LARGE1: variants seen among roughly 807,000 people sequenced by gnomAD.
The protein encoded by LARGE1 is LARGE xylosyl- and glucuronyltransferase 1, also known as xylosyl- and glucuronyltransferase LARGE1.
A neutral mutation model predicts 87.6 loss-of-function variants in LARGE1; 43 were observed. That is an observed-to-expected ratio of 0.49 (90% CI 0.38 to 0.63). LARGE1 has a LOEUF of 0.63. Among genes scored for constraint, LARGE1 ranks in the 30% least tolerant of loss-of-function variants. The pLI is 0.00. For synonymous variants in LARGE1, 434 were observed against 394.6 expected, an observed-to-expected ratio of 1.10 and a Z score of -1.18; for missense variants, 802 against 1,000.2, an observed-to-expected ratio of 0.80 and a Z score of 2.67.
chr22:33,556,547 G>A (rs1419988656), intron 6 of LARGE1, among the ~76,000 whole-genome samples: 3 of 90,524 alleles, frequency 3.3e-5, no homozygotes, highest in Admixed American at 2.3e-4. Flanking sequence ...AAGGAGGGAG[G>A]GAGGGAGGGA....
chr22:33,131,363 C>T, the LARGE1 span, among the ~76,000 whole-genome samples: 11 of 152,038 alleles, frequency 7.2e-5, no homozygotes, highest in Admixed American at 3.9e-4. Flanking sequence ...TTTAATGGCC[C>T]TTTTCTGCCT....
At chr22:33,476,319 C>T (rs1022904872) in intron 6 of LARGE1, among the ~76,000 whole-genome samples, 1 of 152,224 alleles carries the variant, frequency 6.6e-6, no homozygotes, top group African/African-American at 2.4e-5. Context: ...CACCACTCTT[C>T]TCACTGTAAA....
chr22:33,880,310 C>T (rs576544617), intron 1 of LARGE1, among the ~76,000 whole-genome samples: 1 of 152,164 alleles, frequency 6.6e-6, no homozygotes, highest in African/African-American at 2.4e-5. Context: ...AAAATCTCAA[C>T]CATCCGCAGC....
At chr22:33,756,558 G>T (rs2084520510) in intron 2 of LARGE1, among the ~76,000 whole-genome samples, 2 of 152,218 alleles carry the variant, frequency 1.3e-5, no homozygotes, top group South Asian at 4.2e-4. Flanking sequence ...GCAATAGAGG[G>T]TGTCAGGGAG....
At chr22:33,460,012 C>T (rs965606157) in intron 6 of LARGE1, among the ~76,000 whole-genome samples, 33 of 152,214 alleles carry the variant, frequency 2.2e-4, no homozygotes, top group African/African-American at 8.0e-4. Context: ...CACGACCTTG[C>T]TACACACACA....
intron 3 of LARGE1, among the ~76,000 whole-genome samples, chr22:33,637,931 G>T (rs946457007): frequency 1.3e-5 from 2 of 152,130 alleles, no homozygotes; most frequent in Non-Finnish European, 2.9e-5. Context: ...ACATATACAG[G>T]GAGGGTACCT....
At chr22:33,559,348 G>GT (rs1352104532) in intron 6 of LARGE1, among the ~76,000 whole-genome samples, 4 of 152,192 alleles carry the variant, frequency 2.6e-5, no homozygotes, top group African/African-American at 9.6e-5. Flanking sequence ...CGCCCAGCTA[G>GT]TTTTTGTATT....
At chr22:33,564,271 C>T (rs117676072) in intron 6 of LARGE1, among the ~76,000 whole-genome samples, 1 of 152,276 alleles carries the variant, frequency 6.6e-6, no homozygotes, top group East Asian at 1.9e-4. Flanking sequence ...ACAGTTAGTA[C>T]ACCTACTGAG....
chr22:33,277,828 G>A (rs79710384), intron 13 of LARGE1, among the ~76,000 whole-genome samples: 6,965 of 152,246 alleles, frequency 0.046, 220 homozygotes, highest in Middle Eastern at 0.088. Flanking sequence ...CACTAACGAG[G>A]AGATTCTCAC....
At chr22:33,767,855 C>A (rs1226820859) in intron 1 of LARGE1, among the ~76,000 whole-genome samples, 7 of 152,326 alleles carry the variant, frequency 4.6e-5, no homozygotes, top group African/African-American at 1.7e-4. Flanking sequence ...ATCCTAGGTG[C>A]ATATAACAGT....
intron 6 of LARGE1, among the ~76,000 whole-genome samples, chr22:33,525,100 T>G (rs1345050325): frequency 6.6e-6 from 1 of 152,186 alleles, no homozygotes; most frequent in African/African-American, 2.4e-5. Flanking sequence ...AAGATGGAAC[T>G]CATGGCTTAC....
chr22:33,684,736 C>A (rs1034704686), intron 2 of LARGE1, among the ~76,000 whole-genome samples: 2 of 152,120 alleles, frequency 1.3e-5, no homozygotes, highest in African/African-American at 4.8e-5. Context: ...AAGCTCATCC[C>A]GGGATGCCAC....
rs185171026 is a variant in LARGE1, at chr22:33,451,871, C to G, written c.788-19606G>C. Among the ~76,000 whole-genome samples, 460 of 152,194 alleles carry G rather than the reference C, an allele frequency of 3.0e-3. 2 individuals are homozygous for G. Among genetic ancestry groups the G allele is most frequent in the South Asian group, 0.02 (95 of 4,824 alleles). ...CGCCCCCGGCCGGGAGTCTCTCATT[C>G]TTATGCCTTTGCATCCTCATAGCTT... On this transcript the variant is annotated intron_variant, in intron 6 of 14. Coordinates refer to ENST00000397394, the MANE Select transcript of LARGE1 (RefSeq NM_133642.5).
rs148328221 is a variant in LARGE1 at position 33,855,835 on chromosome 22, G to A, written c.-83+64160C>T. Reference sequence around the variant, plus strand: ...AAGCCCATACCTGCCCTCATTACACGTTTTTTGCTCAGTGAGTCCTTACAG... The same window carrying A: ...AAGCCCATACCTGCCCTCATTACACATTTTTTGCTCAGTGAGTCCTTACAG... On this transcript the variant is annotated intron_variant, in intron 1 of 14. Transcript: ENST00000397394. 3.8e-3 allele frequency among the ~76,000 whole-genome samples: 575 copies of A among 152,214 alleles called. 2 individuals carry two copies. Among genetic ancestry groups the A allele is most frequent in the Non-Finnish European group, 6.9e-3 (472 of 68,010 alleles).
chr22:33,765,154 G>A (rs1000330275), intron 1 of LARGE1, among the ~76,000 whole-genome samples: 5 of 151,982 alleles, frequency 3.3e-5, no homozygotes, highest in African/African-American at 4.8e-5. Context: ...CCCACTGTAC[G>A]GATGAGAAAA....
intron 11 of LARGE1, among the ~76,000 whole-genome samples, chr22:33,170,514 C>A (rs1922509011): frequency 6.6e-6 from 1 of 152,098 alleles, no homozygotes; most frequent in Admixed American, 6.5e-5. Flanking sequence ...GTGATTGGAT[C>A]ATTGGAGTGG....
intron 5 of LARGE1, among the ~76,000 whole-genome samples, chr22:33,566,337 G>GA (rs1207134876): frequency 6.6e-6 from 1 of 152,114 alleles, no homozygotes; most frequent in South Asian, 2.1e-4. Context: ...TGTTAAAGGG[G>GA]AAAAAAGCAA....
chr22:33,761,571 G>T lies in LARGE1; in HGVS notation c.-82-13C>A. On this transcript the variant is annotated splice_polypyrimidine_tract_variant and intron_variant, in intron 1 of 14. Coordinates refer to ENST00000397394, the MANE Select transcript of LARGE1 (RefSeq NM_133642.5). ...CTCATAATACTCTCTGAAAGGAAGA[G>T]CAAAGAGGAAGGCCTGAGTTCTTAG... is the stretch of plus-strand genomic sequence containing the variant. 1.0e-6 allele frequency: 1 copy of T among 970,056 alleles called. No homozygotes were observed. The highest frequency in any genetic ancestry group is 1.7e-6 in the Non-Finnish European group (1 of 605,354). 60.1% of individuals were successfully genotyped at this position (970,056 alleles called of 1,614,324 possible).
intron 1 of LARGE1, among the ~76,000 whole-genome samples, chr22:33,817,099 C>T (rs1183725818): frequency 6.6e-6 from 1 of 152,160 alleles, no homozygotes; most frequent in African/African-American, 2.4e-5. Context: ...GACATACATA[C>T]ATGCATACAC....
Sources: gnomAD v4.1 joint callset for allele counts (sites outside exome capture counted in the v4.1 genomes callset) on GRCh38, gnomAD v4.1.1 for gene constraint, MANE v1.5 for transcripts, NCBI Gene and HGNC (gene_info 2026-07-23, HGNC 2026-07-21) for gene names.